Variants in JADE2 observed in about 807,000 individuals in gnomAD.
JADE2 encodes E3 ubiquitin-protein ligase Jade-2.
A neutral mutation model predicts 85.7 loss-of-function variants in JADE2; 13 were observed. The ratio of observed to expected loss-of-function variants is 0.15; its 90% confidence interval spans 0.10 to 0.24. JADE2 has a LOEUF of 0.24. Among genes scored for constraint, JADE2 ranks in the 10% least tolerant of loss-of-function variants. The pLI, the probability that JADE2 is intolerant of heterozygous loss-of-function variation, is 1.00. For missense variants in JADE2, 846 were observed against 1,115.9 expected (o/e 0.76, Z 3.45); for synonymous variants, 440 against 456.1 (o/e 0.96, Z 0.45).
intron 7 of JADE2, 166 bp from the exon 8 acceptor site, chr5:134,564,328 C>G: frequency 1.8e-6 from 1 of 542,006 alleles, no homozygotes; most frequent in Non-Finnish European, 3.4e-6. Flanking sequence ...GAATTCCGGC[C>G]TTTGAGCCAT....
In JADE2 at chr5:134,552,146, A is replaced by G; in HGVS notation, c.248A>G (p.Gln83Arg). Residue 83 changes from glutamine (Q) to arginine (R), a missense_variant, in exon 4 of 12, where the codon CAG becomes CGG. Physicochemically the swap from Gln to Arg is conservative, Grantham distance 43 (BLOSUM62 1). Coordinates refer to ENST00000681547, the MANE Select transcript of JADE2 (RefSeq NM_001388185.1). ...DYYILADPWR[Q>R]EWEKGVQVPA... ...TACATCCTGGCAGACCCATGGCGAC[A>G]GGAATGGGAGAAAGGTGTGCAGGTG... The G allele has an allele frequency of 6.2e-7, 1 of 1,614,204 alleles. No homozygotes were observed. The highest frequency in any genetic ancestry group is 8.5e-7 in the Non-Finnish European group (1 of 1,180,032).
intron 4 of JADE2, among the ~76,000 whole-genome samples, chr5:134,552,606 G>C (rs549633601): frequency 5.9e-5 from 9 of 152,164 alleles, no homozygotes; most frequent in Admixed American, 1.3e-4. Context: ...CTTGGCACCA[G>C]GCCTGGCAGA....
chr5:134,550,680 T>A (rs4327644), intron 3 of JADE2, among the ~76,000 whole-genome samples: 20,684 of 152,154 alleles, frequency 0.14, 1,791 homozygotes, highest in Middle Eastern at 0.24. Flanking sequence ...ACAATAGCGC[T>A]TTGTGGGGGG....
rs575872128 is a variant in JADE2 at position 134,537,020 on chromosome 5, C to G, written c.59-969C>G. ...TGCTCAGTTTGGCTCTGGCGTCCCACCTGGCCAGCCCTTCTTCCCTACAGC... is the reference window on the plus strand; with the variant it reads ...TGCTCAGTTTGGCTCTGGCGTCCCAGCTGGCCAGCCCTTCTTCCCTACAGC... On this transcript the variant is annotated intron_variant, in intron 2 of 11. Coordinates refer to ENST00000681547, the MANE Select transcript of JADE2 (RefSeq NM_001388185.1). Among the ~76,000 whole-genome samples the G allele has an allele frequency of 4.6e-5, 7 of 152,336 alleles. No homozygotes were observed. The East Asian group carries it at 1.2e-3, about 25-fold the overall frequency.
intron 9 of JADE2, among the ~76,000 whole-genome samples, chr5:134,571,192 T>G (rs1763983918): frequency 6.6e-6 from 1 of 152,242 alleles, no homozygotes; most frequent in South Asian, 2.1e-4. Context: ...TGTAGGCACC[T>G]GTGTCAGGAC....
At chr5:134,568,298 G>A (rs1763773089) in intron 9 of JADE2, among the ~76,000 whole-genome samples, 1 of 152,198 alleles carries the variant, frequency 6.6e-6, no homozygotes, top group Admixed American at 6.5e-5. Context: ...CCATTCCAAG[G>A]GTTTTGAGCT....
chr5:134,539,468 G>T (rs550376937), intron 3 of JADE2, among the ~76,000 whole-genome samples: 1 of 152,280 alleles, frequency 6.6e-6, no homozygotes, highest in Non-Finnish European at 1.5e-5. Context: ...CAAAGTGTTG[G>T]GATTACAGGC....
chr5:134,556,267 C>G (rs983338679), intron 4 of JADE2, among the ~76,000 whole-genome samples: 5 of 152,326 alleles, frequency 3.3e-5, no homozygotes, highest in Admixed American at 6.5e-5. Context: ...TGGCAACCAG[C>G]GGGGGGTGGG....
In JADE2 at chr5:134,576,870, G is replaced by A. The variant is rs1337919400; in HGVS notation, c.1655G>A (p.Gly552Glu). The stretch of plus-strand genomic sequence containing the variant: ...GAGAAGAAAGAGAAAGTGAAGGCGG[G>A]GCCTGACTCAGTCCTGGGGCAGCTG... The part of the protein sequence containing the change: ...STEKKEKVKA[G>E]PDSVLGQLAG... Residue 552 changes from glycine to glutamate, a missense_variant, in exon 11 of 12, where the codon GGG becomes GAG. This residue lies in a region of JADE2 where 119 missense variants were observed against 163.9 expected (regional missense o/e 0.73). Coordinates refer to ENST00000681547, the MANE Select transcript of JADE2 (RefSeq NM_001388185.1). 4 of 1,547,890 alleles carry A rather than the reference G, an allele frequency of 2.6e-6. No individual in the cohort carries two copies. The highest frequency in any genetic ancestry group is 3.5e-6 in the Non-Finnish European group (4 of 1,145,594).
chr5:134,557,184 GTAT>G (rs1207135541), intron 4 of JADE2, among the ~76,000 whole-genome samples: 9 of 151,188 alleles, frequency 6.0e-5, no homozygotes, highest in Non-Finnish European at 1.3e-4. Flanking sequence ...CATAAAGTAG[GTAT>G]TATTATTGTT....
intron 3 of JADE2, 24 bp from the exon 4 acceptor site, chr5:134,552,028 T>G: frequency 6.2e-7 from 1 of 1,613,524 alleles, no homozygotes; most frequent in Non-Finnish European, 8.5e-7. Context: ...CTGAAGTCAC[T>G]CTTTCCCCTC....
Position 134,580,451 on chromosome 5 carries a change from C to G in JADE2, c.*1134C>G, listed in dbSNP as rs551279348. On this transcript the variant is annotated 3_prime_UTR_variant, in exon 12 of 12. Transcript: ENST00000681547. ...CCCCCCCCCCGTCCTGCCATCCCCCCCCGCCGTCCTGCCTTCCCCACCCCA... is the reference window on the plus strand; with the variant it reads ...CCCCCCCCCCGTCCTGCCATCCCCCGCCGCCGTCCTGCCTTCCCCACCCCA... 1.7e-4 allele frequency: 24 copies of G among 138,966 alleles called. No homozygotes were observed. In the Middle Eastern group the frequency reaches 0.011, roughly 62 times the overall value. 8.6% of individuals were successfully genotyped at this position (138,966 alleles called of 1,614,324 possible). A position where few individuals can be genotyped will look rare whatever the true frequency, so the allele number is the denominator to read the frequency against.
At chr5:134,575,788 G>A (rs1400142638) in intron 10 of JADE2, 1 of 152,032 alleles carries the variant, frequency 6.6e-6, no homozygotes, top group African/African-American at 2.4e-5. Context: ...CTAGCTGCTT[G>A]GGGAGCAGAA....
At chr5:134,536,111 A>AG (rs1290462548) in intron 2 of JADE2, among the ~76,000 whole-genome samples, 196 bp downstream of exon 2, 3 of 152,160 alleles carry the variant, frequency 2.0e-5, no homozygotes, top group Non-Finnish European at 4.4e-5. Flanking sequence ...CGTGACCTCC[A>AG]GGGCCTTGTT....
chr5:134,532,034 G>A (rs941270721), intron 1 of JADE2, among the ~76,000 whole-genome samples: 1 of 151,650 alleles, frequency 6.6e-6, no homozygotes, highest in Non-Finnish European at 1.5e-5. Flanking sequence ...ACAGGCACAC[G>A]CCACCATGCC....
chr5:134,570,194 C>G (rs1354327210), intron 9 of JADE2, among the ~76,000 whole-genome samples: 2 of 152,174 alleles, frequency 1.3e-5, no homozygotes. Flanking sequence ...CCGCACACCC[C>G]ACCTCATACC....
chr5:134,549,110 C>T (rs1470630997), intron 3 of JADE2, among the ~76,000 whole-genome samples: 1 of 152,162 alleles, frequency 6.6e-6, no homozygotes, highest in Admixed American at 6.5e-5. Context: ...AGGTACTTTT[C>T]AGGAGTGTAA....
At chr5:134,538,532 A>G (rs144327151) in intron 3 of JADE2, among the ~76,000 whole-genome samples, 294 of 152,304 alleles carry the variant, frequency 1.9e-3, no homozygotes, top group African/African-American at 6.2e-3. Context: ...GAGCCATCCA[A>G]TTAGTCATAG....
Position 134,538,000 on chromosome 5 carries a change from T to C in JADE2, c.70T>C (p.Ser24Pro), listed in dbSNP as rs1175853349. Residue 24 changes from serine to proline, a missense_variant, in exon 3 of 12, where the codon TCT becomes CCT. Around this residue, in one of 9 missense-constraint regions of JADE2, gnomAD observed 47 missense variants for 42.2 expected, o/e 1.11. Transcript: ENST00000681547. ...NSDTTDSHAT[S>P]TSASRCSKLP... ...TTCTCTCTCTGCAGGTCATGCGACA[T>C]CTACATCCGCATCAAGATGCTCCAA... is the stretch of plus-strand genomic sequence containing the variant. The C allele has an allele frequency of 5.0e-6, 8 of 1,613,990 alleles. No homozygotes were observed. The Admixed American group carries it at 5.0e-5, about 10-fold the overall frequency.
Sources: gnomAD v4.1 joint callset for allele counts (sites outside exome capture counted in the v4.1 genomes callset) on GRCh38, gnomAD v4.1.1 for gene constraint, gnomAD v4.1.1 regional missense constraint, MANE v1.5 for transcripts, NCBI Gene and HGNC (gene_info 2026-07-23, HGNC 2026-07-21) for gene names.